Variants in USH2A observed in about 807,000 individuals in gnomAD.
USH2A encodes Usher syndrome 2A (autosomal recessive, mild).
Under a neutral mutation model 538.9 loss-of-function variants are expected in USH2A, and 443 were observed. The observed-to-expected ratio is 0.82, with a 90% CI of 0.76 to 0.89. The LOEUF (loss-of-function observed/expected upper bound fraction) is 0.89, where lower values mean the gene tolerates loss of function less well. Ranked by LOEUF, USH2A falls within the 40% of genes least tolerant of loss-of-function variation. The pLI is 0.00. For missense variants in USH2A, 6,633 were observed against 6,324.8 expected, an observed-to-expected ratio of 1.05 and a Z score of -1.65; for synonymous variants, 2,413 against 2,273.5, an observed-to-expected ratio of 1.06 and a Z score of -1.75.
rs539061119 is a variant in USH2A at position 216,382,868 on chromosome 1, T to C, written c.652-17783A>G. Reference sequence around the variant, plus strand: ...ATCTTGGACATAAAAGGAATAAAACTATATTGGTCACTAAATTTCACAGGA... The same window carrying C: ...ATCTTGGACATAAAAGGAATAAAACCATATTGGTCACTAAATTTCACAGGA... On this transcript the variant is annotated intron_variant, in intron 3 of 71. Coordinates refer to ENST00000307340, the MANE Select transcript of USH2A (RefSeq NM_206933.4). Among the ~76,000 whole-genome samples, 226 of 152,222 alleles carry C rather than the reference T, an allele frequency of 1.5e-3. 1 individual carries two copies. Among genetic ancestry groups the C allele is most frequent in the Admixed American group, 3.3e-3 (50 of 15,280 alleles).
intron 32 of USH2A, among the ~76,000 whole-genome samples, chr1:216,037,165 G>A (rs528531748): frequency 6.6e-6 from 1 of 152,070 alleles, no homozygotes; most frequent in South Asian, 2.1e-4. Context: ...GAAGTCAGAA[G>A]GAACCAAATC....
chr1:215,790,940 G>A (rs1278483722), intron 50 of USH2A, among the ~76,000 whole-genome samples: 3 of 152,134 alleles, frequency 2.0e-5, no homozygotes, highest in Non-Finnish European at 2.9e-5. Flanking sequence ...CTCTGTTCTA[G>A]ACCCATCACA....
intron 62 of USH2A, among the ~76,000 whole-genome samples, chr1:215,677,592 CTCTGCCTTCATTTTACT>C (rs1416509630): frequency 6.6e-6 from 1 of 152,176 alleles, no homozygotes. Flanking sequence ...GGGGTGGCTT[CTCTGCCTTCATTTTACT>C]TCTGCTCTCA....
chr1:215,983,932 A>T lies in USH2A; in HGVS notation c.6805+9088T>A, dbSNP rs540625760. Among the ~76,000 whole-genome samples, 22 of 152,334 alleles carry T rather than the reference A, an allele frequency of 1.4e-4. 1 individual carries two copies. In the South Asian group the frequency reaches 4.3e-3, roughly 30 times the overall value. On this transcript the variant is annotated intron_variant, in intron 35 of 71. Transcript: ENST00000307340. ...CAAATTCAGGAACCTGGAGAAAGAAAGAGGCTTCAAATAGGAAATGTAGCC... is the reference window on the plus strand; with the variant it reads ...CAAATTCAGGAACCTGGAGAAAGAATGAGGCTTCAAATAGGAAATGTAGCC...
At chr1:216,181,243 T>C (rs745332495) in intron 20 of USH2A, among the ~76,000 whole-genome samples, 17 of 152,220 alleles carry the variant, frequency 1.1e-4, no homozygotes, top group East Asian at 1.9e-4. Flanking sequence ...GTTACTTCAA[T>C]TGTTAGAGTG....
chr1:215,965,546 T>C, intron 36 of USH2A, 67 bp from the exon 37 acceptor site: 4 of 1,573,876 alleles, frequency 2.5e-6, no homozygotes, highest in Middle Eastern at 4.0e-4. Flanking sequence ...TTTGAGCATA[T>C]TTCTTCAAAG....
intron 21 of USH2A, among the ~76,000 whole-genome samples, chr1:216,103,743 C>A (rs867545380): frequency 4.6e-5 from 7 of 152,012 alleles, no homozygotes; most frequent in Non-Finnish European, 7.4e-5. Flanking sequence ...ATGAGCAAAA[C>A]GTCTAAACAA....
chr1:216,340,367 A>T (rs1414617079), intron 4 of USH2A, among the ~76,000 whole-genome samples: 1 of 152,062 alleles, frequency 6.6e-6, no homozygotes, highest in African/African-American at 2.4e-5. Context: ...CCAACCAAAA[A>T]AAGCACAGGA....
chr1:215,996,464 CTTT>C (rs1466619889), intron 34 of USH2A, among the ~76,000 whole-genome samples: 1 of 143,902 alleles, frequency 6.9e-6, no homozygotes, highest in Non-Finnish European at 1.5e-5. Flanking sequence ...TTAATAGCTT[CTTT>C]ATTTTATTTT....
At chr1:215,743,458 A>T in intron 58 of USH2A, 123 bp from the exon 59 acceptor site, 1 of 279,866 alleles carries the variant, frequency 3.6e-6, no homozygotes, top group East Asian at 8.0e-5. Flanking sequence ...ATAAATATAT[A>T]TAGACACACA....
intron 51 of USH2A, 147 bp downstream of exon 51, chr1:215,789,912 C>T (rs1276183089): frequency 2.8e-6 from 2 of 722,484 alleles, no homozygotes; most frequent in Non-Finnish European, 4.6e-6. Context: ...TCATAGCGAA[C>T]TCATTCGGTA....
At chr1:215,905,064 A>G (rs77108207) in intron 38 of USH2A, among the ~76,000 whole-genome samples, 1,811 of 152,228 alleles carry the variant, frequency 0.012, 31 homozygotes, top group East Asian at 0.064. Flanking sequence ...ACAAACGAAA[A>G]AATATAAAAT....
intron 32 of USH2A, among the ~76,000 whole-genome samples, chr1:216,017,449 T>C (rs1668741798): frequency 6.6e-6 from 1 of 152,248 alleles, no homozygotes; most frequent in African/African-American, 2.4e-5. Flanking sequence ...TGGCTAAATC[T>C]TTCTTGCAAA....
At chr1:215,950,462 G>GA (rs199544940) in intron 37 of USH2A, among the ~76,000 whole-genome samples, 1,890 of 148,172 alleles carry the variant, frequency 0.013, 23 homozygotes, top group Middle Eastern at 0.022. Context: ...TATCTCCATA[G>GA]AAAAAATGAC....
intron 15 of USH2A, among the ~76,000 whole-genome samples, chr1:216,211,911 C>T (rs951614340): frequency 5.0e-4 from 76 of 151,872 alleles, no homozygotes; most frequent in African/African-American, 1.8e-3. Context: ...CATCAACTGC[C>T]TCATTTACAG....
chr1:216,269,454 G>T (rs2036535536), intron 11 of USH2A, among the ~76,000 whole-genome samples: 1 of 152,044 alleles, frequency 6.6e-6, no homozygotes, highest in Admixed American at 6.6e-5. Context: ...CCCAGTCTCA[G>T]GTATGTCTTT....
intron 37 of USH2A, among the ~76,000 whole-genome samples, chr1:215,938,746 C>T (rs975836909): frequency 3.9e-4 from 60 of 152,118 alleles, no homozygotes; most frequent in African/African-American, 1.4e-3. Context: ...TTGAGTTGCC[C>T]TCCTCCACCC....
chr1:215,651,832 T>C (rs953786268), intron 64 of USH2A, among the ~76,000 whole-genome samples: 1 of 152,248 alleles, frequency 6.6e-6, no homozygotes, highest in African/African-American at 2.4e-5. Context: ...AGATTTTTAG[T>C]AGTTAGGTCA....
intron 37 of USH2A, among the ~76,000 whole-genome samples, chr1:215,941,038 G>T (rs1297287426): frequency 6.6e-6 from 1 of 151,936 alleles, no homozygotes; most frequent in Non-Finnish European, 1.5e-5. Context: ...TTTAAAGTTT[G>T]TTGAAGCATG....
Sources: gnomAD v4.1 joint callset for allele counts (sites outside exome capture counted in the v4.1 genomes callset) on GRCh38, gnomAD v4.1.1 for gene constraint, MANE v1.5 for transcripts, NCBI Gene and HGNC (gene_info 2026-07-23, HGNC 2026-07-21) for gene names.